The following PPP3CA variants were observed in gnomAD, a reference collection of about 807,000 sequenced individuals.
PPP3CA encodes CAM-PRP catalytic subunit.
Under a neutral mutation model 66.5 loss-of-function variants are expected in PPP3CA, and 14 were observed. That is an observed-to-expected ratio of 0.21 (90% CI 0.14 to 0.33). The LOEUF (loss-of-function observed/expected upper bound fraction) is 0.33. PPP3CA is among the 10% of genes least tolerant of loss of function. The pLI is 1.00. For missense variants in PPP3CA, 317 were observed against 639.5 expected, an observed-to-expected ratio of 0.50 and a Z score of 5.44; for synonymous variants, 232 against 226.2, an observed-to-expected ratio of 1.03 and a Z score of -0.23.
intron 1 of PPP3CA, among the ~76,000 whole-genome samples, chr4:101,297,950 T>C (rs545845622): frequency 3.9e-5 from 6 of 152,276 alleles, no homozygotes; most frequent in Non-Finnish European, 5.9e-5. Flanking sequence ...GGGCACATTA[T>C]TGATGCAAAG....
At chr4:101,030,777 A>G (rs1015816692) in intron 12 of PPP3CA, among the ~76,000 whole-genome samples, 2 of 152,264 alleles carry the variant, frequency 1.3e-5, no homozygotes, top group African/African-American at 2.4e-5. Context: ...ATGTTAAATG[A>G]ACACTATTAA....
At chr4:101,306,221 G>T (rs28623423) in intron 1 of PPP3CA, among the ~76,000 whole-genome samples, 9 of 152,058 alleles carry the variant, frequency 5.9e-5, no homozygotes, top group Admixed American at 5.9e-4. Flanking sequence ...AGCGCATATG[G>T]GGGCAGCTAA....
At chr4:101,204,259 A>T (rs1725058498) in intron 1 of PPP3CA, among the ~76,000 whole-genome samples, 1 of 152,158 alleles carries the variant, frequency 6.6e-6, no homozygotes, top group Non-Finnish European at 1.5e-5. Flanking sequence ...CTCCTGCCTT[A>T]GCCTCCCAAA....
intron 1 of PPP3CA, among the ~76,000 whole-genome samples, chr4:101,231,056 G>A (rs1037095448): frequency 1.3e-5 from 2 of 151,606 alleles, no homozygotes; most frequent in Non-Finnish European, 3.0e-5. Context: ...CCAGATCCAC[G>A]ATTTTCAATT....
intron 3 of PPP3CA, among the ~76,000 whole-genome samples, chr4:101,104,593 T>C (rs755495528): frequency 9.9e-5 from 15 of 152,126 alleles, no homozygotes; most frequent in South Asian, 2.1e-4. Flanking sequence ...GTTACTGCAC[T>C]CATAAAAGGA....
chr4:101,235,549 C>A (rs922754202), intron 1 of PPP3CA, among the ~76,000 whole-genome samples: 3 of 151,732 alleles, frequency 2.0e-5, no homozygotes, highest in African/African-American at 4.8e-5. Context: ...ATTAATAATT[C>A]TCCCCTCATT....
rs181575021 is a variant in PPP3CA, at chr4:101,303,226, C to A, written c.58+43513G>T. Among the ~76,000 whole-genome samples the A allele has an allele frequency of 5.0e-3, 756 of 152,116 alleles. 4 individuals carry two copies. Among genetic ancestry groups the A allele is most frequent in the African/African-American group, 0.016 (680 of 41,514 alleles). On this transcript the variant is annotated intron_variant, in intron 1 of 13. Coordinates refer to ENST00000394854, the MANE Select transcript of PPP3CA (RefSeq NM_000944.5). ...AGCATGTTTCCCTAAAGTAAAATGGCCAAAATTTATATGTAAAATTCTACT... is the reference window on the plus strand; with the variant it reads ...AGCATGTTTCCCTAAAGTAAAATGGACAAAATTTATATGTAAAATTCTACT...
intron 3 of PPP3CA, among the ~76,000 whole-genome samples, 173 bp downstream of exon 3, chr4:101,108,781 A>C (rs971905102): frequency 6.6e-6 from 1 of 152,202 alleles, no homozygotes; most frequent in African/African-American, 2.4e-5. Flanking sequence ...AAACAAACAA[A>C]CAAAAAACAC....
In PPP3CA at chr4:101,156,657, C is replaced by T. The variant is rs910302295; in HGVS notation, c.259+39259G>A. On this transcript the variant is annotated intron_variant, in intron 2 of 13. Coordinates refer to ENST00000394854, the MANE Select transcript of PPP3CA (RefSeq NM_000944.5). ...TGCACTCCAGCCTGGGCAACAAGAG[C>T]GAAACTGTGTCTCAAAAAAAAAAGA... 3.4e-5 allele frequency among the ~76,000 whole-genome samples: 5 copies of T among 148,166 alleles called. No homozygotes were observed. In the South Asian group the frequency reaches 8.6e-4, roughly 25 times the overall value.
intron 2 of PPP3CA, among the ~76,000 whole-genome samples, chr4:101,132,564 C>T (rs1007025921): frequency 6.6e-6 from 1 of 151,974 alleles, no homozygotes; most frequent in African/African-American, 2.4e-5. Flanking sequence ...AAGTTGAATC[C>T]CTGAATAGAC....
At chr4:101,233,032 CTTTG>C (rs35000244) in intron 1 of PPP3CA, among the ~76,000 whole-genome samples, 83,853 of 151,134 alleles carry the variant, frequency 0.55, 27,121 homozygotes, top group Non-Finnish European at 0.74. Flanking sequence ...TTTTGCTTTA[CTTTG>C]TTTTTTAATC....
intron 1 of PPP3CA, among the ~76,000 whole-genome samples, chr4:101,327,782 G>T (rs1371969468): frequency 6.6e-6 from 1 of 152,106 alleles, no homozygotes; most frequent in African/African-American, 2.4e-5. Context: ...CAGGAAAGTT[G>T]TAATGCATAT....
At chr4:101,124,745 A>G (rs1371583961) in intron 2 of PPP3CA, among the ~76,000 whole-genome samples, 16 of 108,416 alleles carry the variant, frequency 1.5e-4, no homozygotes, top group African/African-American at 4.8e-4. Context: ...GAAAGAAAGA[A>G]AGAAAGAAAG....
intron 1 of PPP3CA, among the ~76,000 whole-genome samples, chr4:101,305,102 C>T (rs1728492453): frequency 6.6e-6 from 1 of 152,186 alleles, no homozygotes; most frequent in Admixed American, 6.5e-5. Context: ...CAAGAGACAG[C>T]AGAACCACTT....
At chr4:101,331,588 G>C (rs1394683344) in intron 1 of PPP3CA, among the ~76,000 whole-genome samples, 1 of 152,182 alleles carries the variant, frequency 6.6e-6, no homozygotes, top group Non-Finnish European at 1.5e-5. Context: ...AAGGGTTTCA[G>C]AGAAGTTTCA....
intron 11 of PPP3CA, among the ~76,000 whole-genome samples, chr4:101,036,413 CTTTCTT>C (rs1441315571): frequency 6.2e-5 from 6 of 96,122 alleles, no homozygotes; most frequent in South Asian, 3.2e-4. Flanking sequence ...CTTTTTCTTT[CTTTCTT>C]TTTTTTTTTT....
intron 1 of PPP3CA, among the ~76,000 whole-genome samples, chr4:101,255,335 T>A (rs1338249701): frequency 1.3e-5 from 2 of 151,946 alleles, no homozygotes; most frequent in African/African-American, 4.8e-5. Context: ...GCTACTGTTG[T>A]CGTTAGCTTT....
chr4:101,129,252 G>A (rs1722347535), intron 2 of PPP3CA, among the ~76,000 whole-genome samples: 1 of 152,140 alleles, frequency 6.6e-6, no homozygotes, highest in Admixed American at 6.5e-5. Flanking sequence ...CCCAGTCAGG[G>A]GCTTATAGAT....
In PPP3CA at chr4:101,124,795, G is replaced by GAA. The variant is rs1560614735; in HGVS notation, c.260-15719_260-15718dup. ...AGAAAGAAAGAAAGAAAGAAAGAAA[G>GAA]AAAGAGAAAACTGTATTGGTGTTGA... On this transcript the variant is annotated intron_variant, in intron 2 of 13. Transcript: ENST00000394854. Among the ~76,000 whole-genome samples the GAA allele has an allele frequency of 2.6e-4, 30 of 113,602 alleles. 2 individuals carry two copies. Among genetic ancestry groups the GAA allele is most frequent in the African/African-American group, 1.3e-3 (29 of 22,866 alleles). The allele number at this position is 113,602 out of a possible 152,430, so 74.5% of individuals were successfully genotyped here.
Sources: allele counts gnomAD v4.1 joint callset (sites outside exome capture counted in the v4.1 genomes callset), GRCh38; gene constraint gnomAD v4.1.1; transcripts MANE v1.5; gene names NCBI Gene and HGNC (gene_info 2026-07-23, HGNC 2026-07-21).